Variants in CIMAP2 observed in about 807,000 individuals in gnomAD.
CIMAP2 encodes ciliary microtubule associated protein 2.
At chr1:54,827,518 G>A in the CIMAP2 span, among the ~76,000 whole-genome samples, 1 of 152,176 alleles carries the variant, frequency 6.6e-6, no homozygotes. Flanking sequence ...CACTCAGGCT[G>A]GTGAGAATTA....
chr1:54,842,141 G>C, the CIMAP2 span: 693 of 547,472 alleles, frequency 1.3e-3, 6 homozygotes, highest in African/African-American at 0.012. Flanking sequence ...ATGAACATGG[G>C]GGCCAGAGAG....
the CIMAP2 span, chr1:54,817,122 A>C: frequency 6.2e-7 from 1 of 1,612,172 alleles, no homozygotes; most frequent in Non-Finnish European, 8.5e-7. Flanking sequence ...ATGCTCATGC[A>C]GTGAGTGCAG....
chr1:54,806,276 A>T, the CIMAP2 span: 4 of 1,431,492 alleles, frequency 2.8e-6, no homozygotes, highest in East Asian at 8.7e-5. Flanking sequence ...GCTGCTGCCC[A>T]CCCCGAAGCC....
At chr1:54,841,908 G>A in the CIMAP2 span, 1 of 1,541,500 alleles carries the variant, frequency 6.5e-7, no homozygotes, top group Non-Finnish European at 8.8e-7. Flanking sequence ...AGTGACCAGA[G>A]AGCCCAAAGG....
chr1:54,811,765 G>GCCGGGGGGGGGCCGCCCCCCCCC, the CIMAP2 span: 1 of 1,301,328 alleles, frequency 7.7e-7, no homozygotes, highest in Non-Finnish European at 1.1e-6. Context: ...GGTTCTGACA[G>GCCGGGGGGGGGCCGCCCCCCCCC]CCTCCATGCC....
chr1:54,836,376 G>A, the CIMAP2 span, among the ~76,000 whole-genome samples: 5 of 151,558 alleles, frequency 3.3e-5, no homozygotes, highest in African/African-American at 9.7e-5. Flanking sequence ...TTCTGGTGGG[G>A]GTGGATGGGG....
the CIMAP2 span, among the ~76,000 whole-genome samples, chr1:54,817,276 G>A: frequency 2.6e-5 from 4 of 152,188 alleles, no homozygotes; most frequent in African/African-American, 4.8e-5. Context: ...GGACGTTCAC[G>A]TTCAGATCCT....
At chr1:54,811,766 C>CGGGGGGGGGGGCGGCGG in the CIMAP2 span, 1 of 1,305,190 alleles carries the variant, frequency 7.7e-7, no homozygotes, top group Non-Finnish European at 1.1e-6. Context: ...GTTCTGACAG[C>CGGGGGGGGGGGCGGCGG]CTCCATGCCC....
chr1:54,821,886 CTTTTTTTTTTTTT>C, the CIMAP2 span, among the ~76,000 whole-genome samples: 70 of 66,588 alleles, frequency 1.1e-3, 2 homozygotes, highest in South Asian at 0.013. Context: ...CCTCTTATTT[CTTTTTTTTTTTTT>C]TTTTTTTTTT....
the CIMAP2 span, among the ~76,000 whole-genome samples, chr1:54,809,921 C>G: frequency 1.3e-5 from 2 of 151,670 alleles, no homozygotes; most frequent in Non-Finnish European, 2.9e-5. Flanking sequence ...ATGATTCATT[C>G]ATTTCCACAC....
At chr1:54,836,243 C>T in the CIMAP2 span, among the ~76,000 whole-genome samples, 1 of 151,596 alleles carries the variant, frequency 6.6e-6, no homozygotes, top group Non-Finnish European at 1.5e-5. Flanking sequence ...TTCCCTCTCT[C>T]CCTCCCTCCC....
At chr1:54,832,658 A>G in the CIMAP2 span, among the ~76,000 whole-genome samples, 1 of 152,344 alleles carries the variant, frequency 6.6e-6, no homozygotes, top group East Asian at 1.9e-4. Context: ...ATTGAAACCA[A>G]AAGAAGCAAT....
the CIMAP2 span, among the ~76,000 whole-genome samples, chr1:54,837,369 A>G: frequency 6.6e-6 from 1 of 152,122 alleles, no homozygotes; most frequent in Non-Finnish European, 1.5e-5. Flanking sequence ...GATGCAGGTT[A>G]AAGTCTCCAC....
the CIMAP2 span, among the ~76,000 whole-genome samples, chr1:54,833,652 G>C: frequency 6.6e-6 from 1 of 152,120 alleles, no homozygotes; most frequent in South Asian, 2.1e-4. Flanking sequence ...AAATGTGGTT[G>C]ACTGATGAGT....
At chr1:54,806,892 A>G in the CIMAP2 span, 2 of 1,072,160 alleles carry the variant, frequency 1.9e-6, no homozygotes, top group Non-Finnish European at 2.9e-6. Flanking sequence ...AGCTTGCTCC[A>G]AAGTCACCTT....
chr1:54,840,300 TTGTG>T, the CIMAP2 span, among the ~76,000 whole-genome samples: 1 of 152,246 alleles, frequency 6.6e-6, no homozygotes, highest in African/African-American at 2.4e-5. Context: ...CATGCTGTTG[TTGTG>T]TGTATCACAG....
the CIMAP2 span, among the ~76,000 whole-genome samples, chr1:54,809,885 C>A: frequency 0.98 from 146,735 of 149,380 alleles, 72,112 homozygotes; most frequent in Middle Eastern, 1. Context: ...GAAAAAAAAA[C>A]CCCTAAAACC....
chr1:54,806,604 T>C, the CIMAP2 span, among the ~76,000 whole-genome samples: 2 of 151,166 alleles, frequency 1.3e-5, no homozygotes, highest in Non-Finnish European at 2.9e-5. Flanking sequence ...TCTGTCTCTT[T>C]CTCTCTCTCA....
the CIMAP2 span, chr1:54,811,772 T>TACCCCCCCCCC: frequency 6.6e-6 from 3 of 454,866 alleles, no homozygotes; most frequent in South Asian, 1.6e-5. Context: ...ACAGCCTCCA[T>TACCCCCCCCCC]GCCCCCACCC....
Sources: gnomAD v4.1 joint callset for allele counts (sites outside exome capture counted in the v4.1 genomes callset) on GRCh38, gnomAD v4.1.1 for gene constraint, MANE v1.5 for transcripts, NCBI Gene and HGNC (gene_info 2026-07-23, HGNC 2026-07-21) for gene names.